Variants in CADM1 observed in about 807,000 individuals in gnomAD.
CADM1 encodes TSLC-1.
CADM1 carries 15 observed loss-of-function variants against 53.1 expected under a neutral mutation model. That is an observed-to-expected ratio of 0.28 (90% CI 0.19 to 0.44). CADM1 has a LOEUF of 0.44. Among genes scored for constraint, CADM1 ranks in the 20% least tolerant of loss-of-function variants. The pLI is 1.00. For missense variants in CADM1, 434 were observed against 611.3 expected (o/e 0.71, Z 3.06); for synonymous variants, 281 against 243.0 (o/e 1.16, Z -1.45).
intron 1 of CADM1, among the ~76,000 whole-genome samples, chr11:115,259,917 C>A (rs1457484007): frequency 6.6e-6 from 1 of 152,086 alleles, no homozygotes; most frequent in Non-Finnish European, 1.5e-5. Flanking sequence ...TGGCTCTTAA[C>A]CCTCTCTGTT....
intron 1 of CADM1, among the ~76,000 whole-genome samples, chr11:115,278,278 A>C (rs571608022): frequency 2.0e-5 from 3 of 152,340 alleles, no homozygotes; most frequent in African/African-American, 7.2e-5. Context: ...AGTAAATGTA[A>C]GCTATCATTA....
chr11:115,216,539 T>C (rs1031734792), intron 6 of CADM1, among the ~76,000 whole-genome samples: 1 of 152,120 alleles, frequency 6.6e-6, no homozygotes, highest in Non-Finnish European at 1.5e-5. Context: ...ATTCAAACTG[T>C]TTACAAAAAG....
chr11:115,461,090 C>G (rs953401546), intron 1 of CADM1, among the ~76,000 whole-genome samples: 16 of 151,866 alleles, frequency 1.1e-4, no homozygotes, highest in Non-Finnish European at 2.2e-4. Context: ...TAACGTGTAC[C>G]TGGTACTGTG....
At chr11:115,329,262 C>A (rs1294848710) in intron 1 of CADM1, among the ~76,000 whole-genome samples, 1 of 152,066 alleles carries the variant, frequency 6.6e-6, no homozygotes, top group Non-Finnish European at 1.5e-5. Context: ...AAGATCAGGT[C>A]TTTTAGAACT....
At chr11:115,389,371 C>A (rs1231559885) in intron 1 of CADM1, among the ~76,000 whole-genome samples, 1 of 152,142 alleles carries the variant, frequency 6.6e-6, no homozygotes, top group African/African-American at 2.4e-5. Flanking sequence ...ACACGGTGTT[C>A]CTAATCTCAT....
intron 9 of CADM1, 146 bp downstream of exon 9, chr11:115,198,260 T>A: frequency 1.6e-6 from 1 of 621,808 alleles, no homozygotes; most frequent in Non-Finnish European, 2.8e-6. Context: ...CGACATCTTT[T>A]CAAACCTTAA....
intron 1 of CADM1, among the ~76,000 whole-genome samples, chr11:115,442,266 A>G (rs1948332637): frequency 6.6e-6 from 1 of 152,024 alleles, no homozygotes; most frequent in South Asian, 2.1e-4. Context: ...ATGAAAAAGC[A>G]TTCTAATATT....
chr11:115,232,013 T>TAATAACAAC (rs576888198), intron 3 of CADM1, among the ~76,000 whole-genome samples: 30 of 146,974 alleles, frequency 2.0e-4, no homozygotes, highest in African/African-American at 5.9e-4. Flanking sequence ...ATAATAATAA[T>TAATAACAAC]AACAACAACA....
At chr11:115,288,008 A>G (rs1180492269) in intron 1 of CADM1, among the ~76,000 whole-genome samples, 1 of 152,166 alleles carries the variant, frequency 6.6e-6, no homozygotes, top group African/African-American at 2.4e-5. Context: ...GGAGGCTGAT[A>G]TTTCATATAG....
chr11:115,444,329 T>C (rs985933806), intron 1 of CADM1, among the ~76,000 whole-genome samples: 1 of 152,162 alleles, frequency 6.6e-6, no homozygotes, highest in Admixed American at 6.5e-5. Flanking sequence ...AATGATGGAA[T>C]ATGGTATAGT....
intron 1 of CADM1, among the ~76,000 whole-genome samples, chr11:115,259,579 T>A (rs1352350719): frequency 6.6e-6 from 1 of 152,134 alleles, no homozygotes; most frequent in Non-Finnish European, 1.5e-5. Flanking sequence ...ATGCCAGGAT[T>A]ACAGGTGGGA....
At chr11:115,273,996 T>C (rs1243353162) in intron 1 of CADM1, among the ~76,000 whole-genome samples, 3 of 152,214 alleles carry the variant, frequency 2.0e-5, no homozygotes, top group Non-Finnish European at 1.5e-5. Context: ...CAGTACATTT[T>C]GGTGGGTTTC....
In CADM1 at chr11:115,238,497, T is replaced by G; in HGVS notation, c.424+3A>C. ...CCGGGTAAGCCCCACATGCGTTTCTTACCCAGGACTGTGATGGTGGTGTAA... is the reference window on the plus strand; with the variant it reads ...CCGGGTAAGCCCCACATGCGTTTCTGACCCAGGACTGTGATGGTGGTGTAA... On this transcript the variant is annotated splice_donor_region_variant and intron_variant, in intron 3 of 11. Coordinates refer to ENST00000331581, the MANE Select transcript of CADM1 (RefSeq NM_001301043.2). 6.2e-7 allele frequency: 1 copy of G among 1,613,900 alleles called. No individual in the cohort carries two copies. The highest frequency in any genetic ancestry group is 8.5e-7 in the Non-Finnish European group (1 of 1,179,792).
At chr11:115,344,726 A>G (rs1945532967) in intron 1 of CADM1, among the ~76,000 whole-genome samples, 1 of 152,044 alleles carries the variant, frequency 6.6e-6, no homozygotes, top group African/African-American at 2.4e-5. Flanking sequence ...ACCATTTCTC[A>G]TACCCTGACT....
chr11:115,287,240 A>G lies in CADM1; in HGVS notation c.125-46820T>C, dbSNP rs12276945. On this transcript the variant is annotated intron_variant, in intron 1 of 11. Transcript: ENST00000331581. ...ACACTGATATTCTACAGCACTGAAA[A>G]CCAGGTTGATGGGGATGGAACTCTA... 2.3e-3 allele frequency among the ~76,000 whole-genome samples: 354 copies of G among 152,292 alleles called. 3 individuals are homozygous for G. Among genetic ancestry groups the G allele is most frequent in the African/African-American group, 8.3e-3 (343 of 41,562 alleles).
intron 11 of CADM1, 130 bp from the exon 12 acceptor site, chr11:115,176,722 T>C (rs1186755545): frequency 6.1e-6 from 5 of 818,572 alleles, no homozygotes; most frequent in East Asian, 5.0e-5. Flanking sequence ...GAAAAAACAA[T>C]TGGAAGAAGA....
chr11:115,273,829 T>A (rs1943371014), intron 1 of CADM1, among the ~76,000 whole-genome samples: 1 of 152,222 alleles, frequency 6.6e-6, no homozygotes, highest in Non-Finnish European at 1.5e-5. Context: ...GGAGAAAGAA[T>A]GAGATGGCTA....
chr11:115,464,011 A>G (rs1007058295), intron 1 of CADM1, among the ~76,000 whole-genome samples: 6 of 152,218 alleles, frequency 3.9e-5, no homozygotes, highest in Non-Finnish European at 8.8e-5. Flanking sequence ...TAAGTCCCTG[A>G]GATGAAACAT....
chr11:115,284,754 A>G (rs1280761649), intron 1 of CADM1, among the ~76,000 whole-genome samples: 2 of 152,228 alleles, frequency 1.3e-5, no homozygotes, highest in African/African-American at 4.8e-5. Context: ...CATTAAAGTC[A>G]AAGGTATTAT....
Sources: allele counts gnomAD v4.1 joint callset (sites outside exome capture counted in the v4.1 genomes callset), GRCh38; gene constraint gnomAD v4.1.1; transcripts MANE v1.5; gene names NCBI Gene and HGNC (gene_info 2026-07-23, HGNC 2026-07-21).